Variants in GPD2 observed in about 807,000 individuals in gnomAD.
GPD2 encodes the protein glycerol-3-phosphate dehydrogenase 2.
GPD2 carries 54 observed loss-of-function variants against 82.4 expected under a neutral mutation model. That is an observed-to-expected ratio of 0.66 (90% CI 0.53 to 0.82). The LOEUF (loss-of-function observed/expected upper bound fraction) is 0.82. Among genes scored for constraint, GPD2 ranks in the 40% least tolerant of loss-of-function variants. GPD2 has a pLI of 0.00. For missense variants in GPD2, 748 were observed against 896.2 expected (o/e 0.83, Z 2.11); for synonymous variants, 288 against 306.1 (o/e 0.94, Z 0.62).
chr2:156,568,403 T>C (rs1687468880), intron 9 of GPD2, among the ~76,000 whole-genome samples: 1 of 152,134 alleles, frequency 6.6e-6, no homozygotes, highest in Admixed American at 6.6e-5. Flanking sequence ...AATAAGGATC[T>C]TTGTCTTCCC....
chr2:156,509,171 AC>A (rs1684895732), intron 3 of GPD2, among the ~76,000 whole-genome samples: 1 of 152,162 alleles, frequency 6.6e-6, no homozygotes, highest in Admixed American at 6.5e-5. Context: ...GGGCTGTGAT[AC>A]CTGTAACTTT....
At chr2:156,528,736 A>T (rs1028561295) in intron 6 of GPD2, among the ~76,000 whole-genome samples, 1 of 151,510 alleles carries the variant, frequency 6.6e-6, no homozygotes, top group Non-Finnish European at 1.5e-5. Flanking sequence ...ATGATTTCCA[A>T]TTTCATCCAT....
intron 2 of GPD2, among the ~76,000 whole-genome samples, chr2:156,495,155 G>A (rs1573928822): frequency 6.6e-6 from 1 of 151,964 alleles, no homozygotes; most frequent in South Asian, 2.1e-4. Flanking sequence ...TCGAGACCAC[G>A]CTGGGCAACA....
At chr2:156,483,327 A>G (rs150708362) in intron 2 of GPD2, among the ~76,000 whole-genome samples, 1 of 152,344 alleles carries the variant, frequency 6.6e-6, no homozygotes, top group African/African-American at 2.4e-5. Flanking sequence ...CAATTTCTTC[A>G]TAAAATAAAG....
At chr2:156,563,175 T>A (rs1306886542) in intron 9 of GPD2, among the ~76,000 whole-genome samples, 5 of 152,198 alleles carry the variant, frequency 3.3e-5, no homozygotes, top group Non-Finnish European at 7.3e-5. Context: ...TAATACCAGC[T>A]CTTATAGTTT....
At chr2:156,429,969 T>C in the GPD2 span, among the ~76,000 whole-genome samples, 4 of 152,236 alleles carry the variant, frequency 2.6e-5, no homozygotes. Context: ...AGTAAACTTG[T>C]AGTCTTTAAT....
chr2:156,524,507 C>T (rs184239411), intron 6 of GPD2, among the ~76,000 whole-genome samples: 2 of 152,268 alleles, frequency 1.3e-5, no homozygotes, highest in Admixed American at 6.5e-5. Flanking sequence ...CTTGGTCTGG[C>T]ACCTCTTTCA....
the GPD2 span, among the ~76,000 whole-genome samples, chr2:156,418,470 G>A: frequency 1.3e-5 from 2 of 152,142 alleles, no homozygotes; most frequent in Non-Finnish European, 2.9e-5. Flanking sequence ...TGAGTGGTAT[G>A]TATAAATGTT....
intron 6 of GPD2, among the ~76,000 whole-genome samples, chr2:156,516,200 C>T (rs1685190443): frequency 6.6e-6 from 1 of 152,140 alleles, no homozygotes; most frequent in Non-Finnish European, 1.5e-5. Flanking sequence ...ACATACTCTT[C>T]ATAAATCACC....
rs945677835 is a variant in GPD2 at position 156,513,516 on chromosome 2, T to C, written c.661+20T>C. 5 of 1,603,000 alleles carry C rather than the reference T, an allele frequency of 3.1e-6. No homozygotes were observed. The African/African-American group carries it at 5.4e-5, about 17-fold the overall frequency. On this transcript the variant is annotated intron_variant, in intron 6 of 16. Coordinates refer to ENST00000438166, the MANE Select transcript of GPD2 (RefSeq NM_000408.5). ...ATGACGGTATGTGATGTTTTTTTTT[T>C]TTTTCCTCACAAGATACTTTTCTCT...
intron 3 of GPD2, among the ~76,000 whole-genome samples, chr2:156,497,978 G>A (rs1189153646): frequency 1.3e-5 from 2 of 152,142 alleles, no homozygotes; most frequent in Non-Finnish European, 2.9e-5. Flanking sequence ...GGTGGAAAGA[G>A]GGGACACATT....
the GPD2 span, among the ~76,000 whole-genome samples, chr2:156,419,997 G>A: frequency 6.6e-6 from 1 of 152,114 alleles, no homozygotes; most frequent in Admixed American, 6.6e-5. Flanking sequence ...GGTCCAAAAT[G>A]TATTTTTCCC....
At chr2:156,512,385 A>T in intron 5 of GPD2, 68 bp downstream of exon 5, 1 of 807,950 alleles carries the variant, frequency 1.2e-6, no homozygotes, top group South Asian at 1.3e-5. Flanking sequence ...GTTTTAATGG[A>T]AATAATCCCT....
chr2:156,488,490 T>C (rs540718775), intron 2 of GPD2, among the ~76,000 whole-genome samples: 4 of 152,346 alleles, frequency 2.6e-5, no homozygotes, highest in South Asian at 2.1e-4. Context: ...CAATTATTAC[T>C]GTACATGATT....
At chr2:156,418,882 A>G in the GPD2 span, among the ~76,000 whole-genome samples, 4 of 152,034 alleles carry the variant, frequency 2.6e-5, no homozygotes, top group Non-Finnish European at 5.9e-5. Flanking sequence ...CCTTACAGAG[A>G]GAGAAAGAAA....
At position 156,549,672 on chromosome 2, in the gene GPD2, C is replaced by A; in HGVS notation, c.726C>A (p.Ala242=). 1 of 1,613,210 alleles carries A rather than the reference C, an allele frequency of 6.2e-7. No individual in the cohort carries two copies. The highest frequency in any genetic ancestry group is 8.5e-7 in the Non-Finnish European group (1 of 1,179,148). ...TGACTGCTGCCAGGTATGGGGCTGC[C>A]ACAGCCAATTACATGGAGGTAGTGA... ...IALTAARYGA[A]TANYMEVVSL... is the part of the protein sequence containing the mutation. Residue 242 remains alanine (A), a synonymous_variant, in exon 7 of 17, where the codon GCC becomes GCA. Coordinates refer to ENST00000438166, the MANE Select transcript of GPD2 (RefSeq NM_000408.5).
At chr2:156,404,691 A>G in the GPD2 span, among the ~76,000 whole-genome samples, 1 of 147,716 alleles carries the variant, frequency 6.8e-6, no homozygotes. Flanking sequence ...AATACCAAAA[A>G]AAAAAAAAAA....
the GPD2 span, among the ~76,000 whole-genome samples, chr2:156,409,599 C>T: frequency 6.6e-6 from 1 of 152,036 alleles, no homozygotes; most frequent in African/African-American, 2.4e-5. Context: ...ACTCAGGAGG[C>T]TGAGGTGGGA....
chr2:156,429,160 T>G, the GPD2 span, among the ~76,000 whole-genome samples: 1 of 152,228 alleles, frequency 6.6e-6, no homozygotes, highest in Non-Finnish European at 1.5e-5. Context: ...CTGCTGAGAT[T>G]TAAACCATTT....
Sources: allele counts gnomAD v4.1 joint callset (sites outside exome capture counted in the v4.1 genomes callset), GRCh38; gene constraint gnomAD v4.1.1; transcripts MANE v1.5; gene names NCBI Gene and HGNC (gene_info 2026-07-23, HGNC 2026-07-21).